The following KIDINS220 variants were observed in gnomAD, a reference collection of about 807,000 sequenced individuals.
KIDINS220 encodes kinase D interacting substrate 220.
Under a neutral mutation model 157.6 loss-of-function variants are expected in KIDINS220, and 63 were observed. The observed-to-expected ratio is 0.40, with a 90% CI of 0.33 to 0.49. The LOEUF (loss-of-function observed/expected upper bound fraction) is 0.49. Among genes scored for constraint, KIDINS220 ranks in the 20% least tolerant of loss-of-function variants. The probability of loss-of-function intolerance (pLI) is 0.66; values close to 1 mark genes in which losing one functional copy is unlikely to be tolerated. For missense variants in KIDINS220, 1,772 were observed against 2,171.2 expected (o/e 0.82, Z 3.65); for synonymous variants, 732 against 783.6 (o/e 0.93, Z 1.10).
At chr2:8,726,104 T>C (rs1663280156), downstream of KIDINS220, among the ~76,000 whole-genome samples, 1 of 152,226 alleles carries the variant, frequency 6.6e-6, no homozygotes, top group African/African-American at 2.4e-5. Context: ...AGATAGGTTT[T>C]TATTGATTTT....
At chr2:8,735,354 A>G (rs774110040) in intron 27 of KIDINS220, among the ~76,000 whole-genome samples, 71 of 152,148 alleles carry the variant, frequency 4.7e-4, no homozygotes, top group Admixed American at 1.2e-3. Flanking sequence ...CAACATGGTG[A>G]AATTCCATCT....
At chr2:8,751,714 T>TG (rs1358132077) in intron 22 of KIDINS220, 70 bp from the exon 23 acceptor site, 1 of 1,051,812 alleles carries the variant, frequency 9.5e-7, no homozygotes. Context: ...GCATGTCACC[T>TG]GAAGTTACTT....
At chr2:8,794,428 G>C (rs1302203281) in intron 11 of KIDINS220, 1 of 154,362 alleles carries the variant, frequency 6.5e-6, no homozygotes, top group Non-Finnish European at 1.4e-5. Context: ...CAATCCATGC[G>C]GACAGCCATC....
intron 26 of KIDINS220, among the ~76,000 whole-genome samples, chr2:8,742,532 G>A (rs6745332): frequency 0.067 from 10,192 of 152,246 alleles, 1,095 homozygotes; most frequent in African/African-American, 0.23. Context: ...CACTGGAGCT[G>A]TGTTAACACT....
intron 21 of KIDINS220, among the ~76,000 whole-genome samples, chr2:8,775,773 G>C (rs1045990122): frequency 2.1e-4 from 32 of 152,274 alleles, no homozygotes; most frequent in African/African-American, 7.2e-4. Flanking sequence ...CTTGGGAAGG[G>C]AGCAACAATC....
chr2:8,779,953 T>C, intron 17 of KIDINS220, 139 bp from the exon 18 acceptor site: 2 of 820,274 alleles, frequency 2.4e-6, no homozygotes, highest in Non-Finnish European at 3.8e-6. Context: ...GTGCTTCCAC[T>C]TAAAATAAGA....
chr2:8,727,623 C>T (rs144907350), downstream of KIDINS220, among the ~76,000 whole-genome samples: 1,343 of 152,246 alleles, frequency 8.8e-3, 20 homozygotes, highest in African/African-American at 0.03. Flanking sequence ...ATCATGATTA[C>T]AAATGTATTT....
chr2:8,828,658 T>C (rs1241429372), intron 1 of KIDINS220, among the ~76,000 whole-genome samples: 1 of 152,204 alleles, frequency 6.6e-6, no homozygotes, highest in African/African-American at 2.4e-5. Flanking sequence ...AAAGATTTGA[T>C]ATAACACTAA....
chr2:8,756,690 A>G (rs1315190793), intron 22 of KIDINS220, among the ~76,000 whole-genome samples: 2 of 152,190 alleles, frequency 1.3e-5, no homozygotes, highest in Non-Finnish European at 2.9e-5. Flanking sequence ...CACTACAGAG[A>G]GAGAGAGAGA....
chr2:8,779,792 A>G lies in KIDINS220; in HGVS notation c.2252T>C (p.Leu751Ser), dbSNP rs1188812648. ...FMKVLKCEVE[L>S]MARMAKTIDS... ...AATGGTTTTTGCCATCCTGGCCATC[A>G]ATTCCACTTCACATTTAAGAACCTG... Residue 751 changes from leucine (L) to serine (S), a missense_variant, in exon 18 of 30, where the codon TTG becomes TCG. Physicochemically the swap from Leu to Ser is moderately radical, Grantham distance 145. Around this residue, in one of 3 missense-constraint regions of KIDINS220, gnomAD observed 725 missense variants for 1,017.1 expected, o/e 0.71. Coordinates refer to ENST00000256707, the MANE Select transcript of KIDINS220 (RefSeq NM_020738.4). The G allele has an allele frequency of 1.2e-6, 2 of 1,614,060 alleles. No individual in the cohort carries two copies. The highest frequency in any genetic ancestry group is 1.7e-6 in the Non-Finnish European group (2 of 1,180,014).
At chr2:8,786,122 C>A in intron 16 of KIDINS220, 84 bp downstream of exon 16, 2 of 1,573,270 alleles carry the variant, frequency 1.3e-6, no homozygotes, top group South Asian at 2.3e-5. Flanking sequence ...GTCTAATGTT[C>A]AAGGTGTGTT....
intron 29 of KIDINS220, 144 bp from the exon 30 acceptor site, chr2:8,732,126 C>G: frequency 1.5e-6 from 1 of 657,008 alleles, no homozygotes; most frequent in Non-Finnish European, 2.3e-6. Flanking sequence ...CTACATAACA[C>G]AGATTAACAA....
intron 11 of KIDINS220, among the ~76,000 whole-genome samples, chr2:8,796,478 C>A (rs1055147288): frequency 2.0e-5 from 3 of 152,170 alleles, no homozygotes; most frequent in African/African-American, 7.2e-5. Context: ...TTATCTGCAG[C>A]AAGCTCTACC....
chr2:8,734,591 T>C (rs1664611361), intron 28 of KIDINS220, 64 bp downstream of exon 28: 2 of 1,148,998 alleles, frequency 1.7e-6, no homozygotes. Context: ...TACAATGTTA[T>C]AAATAATTTT....
intron 22 of KIDINS220, among the ~76,000 whole-genome samples, chr2:8,765,184 C>A (rs980823971): frequency 1.3e-5 from 2 of 152,192 alleles, no homozygotes; most frequent in Non-Finnish European, 2.9e-5. Flanking sequence ...CAGCAGAAAC[C>A]TGGTGCCTGA....
chr2:8,744,385 AAAAATATATATATATAATATATATATAT>A (rs1666179131), intron 26 of KIDINS220, among the ~76,000 whole-genome samples: 17 of 28,044 alleles, frequency 6.1e-4, no homozygotes, highest in Non-Finnish European at 7.2e-4. Flanking sequence ...AAAAAAAAAA[AAAAATATATATATATAATATATATATAT>A]ATATATATAT....
At position 8,795,770 on chromosome 2, in the gene KIDINS220, T is replaced by C. The variant is rs149734446; in HGVS notation, c.1098+1001A>G. On this transcript the variant is annotated intron_variant, in intron 11 of 29. Transcript: ENST00000256707. ...ATATTATATAATTAACAAGGCTATA[T>C]GGAACCTTGAAGGATACAGTCTGGT... 1.1e-4 allele frequency among the ~76,000 whole-genome samples: 16 copies of C among 152,344 alleles called. No individual in the cohort carries two copies. In the East Asian group the frequency reaches 3.1e-3, roughly 29 times the overall value.
At chr2:8,725,645 C>G (rs992142869), downstream of KIDINS220, 1 of 152,146 alleles carries the variant, frequency 6.6e-6, no homozygotes, top group Non-Finnish European at 1.5e-5. Context: ...GGGCAGGGTA[C>G]TAAGATCTAC....
Position 8,735,939 on chromosome 2 carries a change from G to A in KIDINS220, c.3717+929C>T, listed in dbSNP as rs569259008. 5.3e-5 allele frequency among the ~76,000 whole-genome samples: 8 copies of A among 152,280 alleles called. 1 individual carries two copies. In the East Asian group the frequency reaches 1.5e-3, roughly 29 times the overall value. On this transcript the variant is annotated intron_variant, in intron 27 of 29. Coordinates refer to ENST00000256707, the MANE Select transcript of KIDINS220 (RefSeq NM_020738.4). ...ACAAAGGACTCGTGTGGGAGACCCCGCTCTTTCCTGACACCAACCAGCTGC... is the reference window on the plus strand; with the variant it reads ...ACAAAGGACTCGTGTGGGAGACCCCACTCTTTCCTGACACCAACCAGCTGC...
Sources: gnomAD v4.1 joint callset for allele counts (sites outside exome capture counted in the v4.1 genomes callset) on GRCh38, gnomAD v4.1.1 for gene constraint, gnomAD v4.1.1 regional missense constraint, MANE v1.5 for transcripts, NCBI Gene and HGNC (gene_info 2026-07-23, HGNC 2026-07-21) for gene names.